NDUFC2: variants seen among roughly 807,000 people sequenced by gnomAD.
NDUFC2 encodes NADH:ubiquinone oxidoreductase subunit C2, also known as NADH dehydrogenase [ubiquinone] 1 subunit C2.
NDUFC2 carries 2 observed loss-of-function variants against 10.1 expected under a neutral mutation model. The ratio of observed to expected loss-of-function variants is 0.20; its 90% confidence interval spans 0.08 to 0.62. The LOEUF (loss-of-function observed/expected upper bound fraction) is 0.62, where lower values mean the gene tolerates loss of function less well. Among genes scored for constraint, NDUFC2 ranks in the 20% least tolerant of loss-of-function variants. The pLI is 0.87. For missense variants in NDUFC2, 156 were observed against 159.6 expected (o/e 0.98, Z 0.12); for synonymous variants, 61 against 63.6 (o/e 0.96, Z 0.20).
In NDUFC2 at chr11:78,070,167, C is replaced by CA. The variant is rs1858940045; in HGVS notation, c.311-132dup. ...TGTGGTCTGAATGTTCATGTCCCCC[C>CA]AAAGTTCATAAATTGAAATGTAACC... On this transcript the variant is annotated intron_variant, in intron 2 of 2. Transcript: ENST00000281031. 4 of 685,590 alleles carry CA rather than the reference C, an allele frequency of 5.8e-6. No individual in the cohort carries two copies. In the Admixed American group the frequency reaches 1.2e-4, roughly 20 times the overall value. The allele number at this position is 685,590 out of a possible 1,614,324, so 42.5% of individuals were successfully genotyped here.
chr11:78,075,021 C>T (rs113209262), intron 1 of NDUFC2, among the ~76,000 whole-genome samples: 3,896 of 152,308 alleles, frequency 0.026, 115 homozygotes, highest in African/African-American at 0.07. Flanking sequence ...TCTTAGTGGT[C>T]GACCTCTCAC....
intron 1 of NDUFC2, among the ~76,000 whole-genome samples, chr11:78,078,659 G>C (rs1220018417): frequency 2.0e-5 from 3 of 149,972 alleles, no homozygotes; most frequent in Admixed American, 6.7e-5. Context: ...CCTCAGACCA[G>C]CAGCAGCAGT....
chr11:78,075,676 C>T (rs1398806452), intron 1 of NDUFC2, among the ~76,000 whole-genome samples: 1 of 152,134 alleles, frequency 6.6e-6, no homozygotes, highest in African/African-American at 2.4e-5. Context: ...CCTCAACCAC[C>T]CAGGCTCAAG....
chr11:78,073,113 C>T lies in NDUFC2; in HGVS notation c.195G>A (p.Thr65=), dbSNP rs763901053. 4 of 1,612,888 alleles carry T rather than the reference C, an allele frequency of 2.5e-6. No individual in the cohort carries two copies. The highest frequency in any genetic ancestry group is 2.2e-5 in the East Asian group (1 of 44,880). Residue 65 remains threonine, a synonymous_variant, in exon 2 of 3, where the codon ACG becomes ACA. Coordinates refer to ENST00000281031, the MANE Select transcript of NDUFC2 (RefSeq NM_004549.6). ...AGLHRQLLYI[T]AFFFAGYYLV... ...GATAATATCCAGCAAAAAAAAAGGC[C>T]GTAATATATAGAAGCTGGCGATGCA...
chr11:78,069,071 TAG>T lies in NDUFC2; in HGVS notation c.*914_*915del, dbSNP rs1481764403. The T allele has an allele frequency of 1.3e-5, 2 of 152,152 alleles. No individual in the cohort carries two copies. Among genetic ancestry groups the T allele is most frequent in the Non-Finnish European group, 2.9e-5 (2 of 68,042 alleles). 9.4% of individuals were successfully genotyped at this position (152,152 alleles called of 1,614,324 possible). ...GCCCAGCTAATTTTTGTATTTTATGTAGAGACAGTGTTTCACCATGTTGCCCA... is the reference window on the plus strand; with the variant it reads ...GCCCAGCTAATTTTTGTATTTTATGTAGACAGTGTTTCACCATGTTGCCCA... On this transcript the variant is annotated 3_prime_UTR_variant, in exon 3 of 3. Coordinates refer to ENST00000281031, the MANE Select transcript of NDUFC2 (RefSeq NM_004549.6).
Position 78,079,690 on chromosome 11 carries a change from T to G in NDUFC2, c.55A>C (p.Ser19Arg). The change falls in exon 1 of 3, where the codon AGC becomes CGC. Residue 19 changes from serine to arginine, a missense_variant. Coordinates refer to ENST00000281031, the MANE Select transcript of NDUFC2 (RefSeq NM_004549.6). The stretch of plus-strand genomic sequence containing the variant: ...TCGGTCAGCTTGGGCGGGGGCAGGC[T>G]CCGGGCCTCATCCGGCAGAAACCGT... ...PLRFLPDEAR[S>R]LPPPKLTDPR... 6.2e-7 allele frequency: 1 copy of G among 1,609,826 alleles called. No individual in the cohort carries two copies. The highest frequency in any genetic ancestry group is 8.5e-7 in the Non-Finnish European group (1 of 1,178,488).
chr11:78,079,403 G>A (rs753838435), intron 1 of NDUFC2, among the ~76,000 whole-genome samples, 176 bp downstream of exon 1: 1 of 152,070 alleles, frequency 6.6e-6, no homozygotes, highest in Non-Finnish European at 1.5e-5. Flanking sequence ...TGACACTCTG[G>A]CTCTGCTTGA....
At chr11:78,078,899 ATTT>A (rs35564410) in intron 1 of NDUFC2, among the ~76,000 whole-genome samples, 56,498 of 149,444 alleles carry the variant, frequency 0.38, 10,911 homozygotes, top group Admixed American at 0.5. Context: ...TAACTTTTGT[ATTT>A]TTTTGTAGGG....
At chr11:78,078,846 C>T (rs1859369715) in intron 1 of NDUFC2, among the ~76,000 whole-genome samples, 1 of 150,380 alleles carries the variant, frequency 6.6e-6, no homozygotes, top group Non-Finnish European at 1.5e-5. Context: ...CTGCCTCAGC[C>T]TCCCTCAGCC....
chr11:78,071,734 G>A (rs1372183637), intron 2 of NDUFC2, among the ~76,000 whole-genome samples: 1 of 152,208 alleles, frequency 6.6e-6, no homozygotes, highest in Non-Finnish European at 1.5e-5. Flanking sequence ...ATGCCTGACT[G>A]TAGCTGGGTG....
chr11:78,079,825 G>T lies in NDUFC2; in HGVS notation c.-81C>A. 2.0e-6 allele frequency: 3 copies of T among 1,491,976 alleles called. No individual in the cohort carries two copies. Among genetic ancestry groups the T allele is most frequent in the Non-Finnish European group, 2.7e-6 (3 of 1,120,536 alleles). 92.4% of individuals were successfully genotyped at this position (1,491,976 alleles called of 1,614,324 possible). The stretch of plus-strand genomic sequence containing the variant: ...CACGACGACCACTACCCCGGCCTAA[G>T]CGGTCAGCTTTCTCCTCCTCCTCTG... On this transcript the variant is annotated 5_prime_UTR_variant, in exon 1 of 3. Transcript: ENST00000281031.
chr11:78,073,457 A>G (rs1421363682), intron 1 of NDUFC2, among the ~76,000 whole-genome samples: 2 of 151,824 alleles, frequency 1.3e-5, no homozygotes, highest in Non-Finnish European at 2.9e-5. Flanking sequence ...GCGCCATTGC[A>G]CTCCAGCCTG....
At position 78,070,053 on chromosome 11, in the gene NDUFC2, C is replaced by G; in HGVS notation, c.311-17G>C. The G allele has an allele frequency of 6.8e-7, 1 of 1,471,200 alleles. No homozygotes were observed. The highest frequency in any genetic ancestry group is 9.4e-7 in the Non-Finnish European group (1 of 1,067,074). The allele number at this position is 1,471,200 out of a possible 1,614,324, so 91.1% of individuals were successfully genotyped here. A position where few individuals can be genotyped will look rare whatever the true frequency, so the allele number is the denominator to read the frequency against. Reference sequence around the variant, plus strand: ...TTTTCTTATCTATAAAAGGAAAGATCATAAAAGATTTATTTTAAAAATATG... The same window carrying G: ...TTTTCTTATCTATAAAAGGAAAGATGATAAAAGATTTATTTTAAAAATATG... On this transcript the variant is annotated splice_polypyrimidine_tract_variant and intron_variant, in intron 2 of 2. Coordinates refer to ENST00000281031, the MANE Select transcript of NDUFC2 (RefSeq NM_004549.6).
rs71046953 is a variant in NDUFC2 at position 78,078,728 on chromosome 11, C to CTTTTTTTTT, written c.166+842_166+850dup. On this transcript the variant is annotated intron_variant, in intron 1 of 2. Coordinates refer to ENST00000281031, the MANE Select transcript of NDUFC2 (RefSeq NM_004549.6). ...CCCAGACCTCATGAATCAGGATCCG[C>CTTTTTTTTT]TTTTTTTTTTTTTTTGAGACAGGGT... Among the ~76,000 whole-genome samples the CTTTTTTTTT allele has an allele frequency of 1.3e-3, 79 of 61,606 alleles. 21 individuals carry two copies. Among genetic ancestry groups the CTTTTTTTTT allele is most frequent in the South Asian group, 7.4e-3 (10 of 1,352 alleles). 40.4% of individuals were successfully genotyped at this position (61,606 alleles called of 152,430 possible). A position where few individuals can be genotyped will look rare whatever the true frequency, so the allele number is the denominator to read the frequency against.
chr11:78,072,886 T>A (rs747923425), intron 2 of NDUFC2, 112 bp downstream of exon 2: 187 of 1,417,722 alleles, frequency 1.3e-4, no homozygotes, highest in Non-Finnish European at 1.7e-4. Flanking sequence ...TAGACTAAGA[T>A]GTGGGAGTCA....
chr11:78,074,650 C>T (rs1175749207), intron 1 of NDUFC2, among the ~76,000 whole-genome samples: 1 of 151,922 alleles, frequency 6.6e-6, no homozygotes, highest in African/African-American at 2.4e-5. Flanking sequence ...CTATCTTTCT[C>T]ACAGTAGTAG....
Position 78,075,266 on chromosome 11 carries a change from T to TA in NDUFC2, c.167-2126dup, listed in dbSNP as rs1001194903. Among the ~76,000 whole-genome samples, 6 of 152,284 alleles carry TA rather than the reference T, an allele frequency of 3.9e-5. No homozygotes were observed. The South Asian group carries it at 8.3e-4, about 21-fold the overall frequency. On this transcript the variant is annotated intron_variant, in intron 1 of 2. Transcript: ENST00000281031. The stretch of plus-strand genomic sequence containing the variant: ...AAACAGATGATGAGAGAAAAACTTA[T>TA]AAAAAAATTCTATTTATTGATAGTA...
At chr11:78,075,704 T>G (rs971099890) in intron 1 of NDUFC2, among the ~76,000 whole-genome samples, 1 of 152,110 alleles carries the variant, frequency 6.6e-6, no homozygotes, top group African/African-American at 2.4e-5. Flanking sequence ...CTTACTTCAG[T>G]CTCCCAAGTA....
chr11:78,071,622 C>T (rs1056170499), intron 2 of NDUFC2, among the ~76,000 whole-genome samples: 8 of 152,132 alleles, frequency 5.3e-5, no homozygotes, highest in Non-Finnish European at 7.3e-5. Context: ...CATATATGTG[C>T]ACATCTGTGT....
Sources: allele counts gnomAD v4.1 joint callset (sites outside exome capture counted in the v4.1 genomes callset), GRCh38; gene constraint gnomAD v4.1.1; transcripts MANE v1.5; gene names NCBI Gene and HGNC (gene_info 2026-07-23, HGNC 2026-07-21).